The following TRIO variants were observed in gnomAD, a reference collection of about 807,000 sequenced individuals.
The protein encoded by TRIO is triple functional domain protein.
Under a neutral mutation model 351.9 loss-of-function variants are expected in TRIO, and 58 were observed. That is an observed-to-expected ratio of 0.16 (90% confidence interval 0.13 to 0.21). The LOEUF is 0.21. TRIO is among the 10% of genes least tolerant of loss of function. The probability of loss-of-function intolerance (pLI) is 1.00; values close to 1 mark genes in which losing one functional copy is unlikely to be tolerated. For missense variants in TRIO, 3,201 were observed against 4,027.8 expected, an observed-to-expected ratio of 0.79 and a Z score of 5.56; for synonymous variants, 1,758 against 1,595.7, an observed-to-expected ratio of 1.10 and a Z score of -2.42.
Position 14,498,617 on chromosome 5 carries a change from C to G in TRIO, c.8309C>G (p.Ser2770Trp). ...GTCAATGACATGGGTTCAGCCTCAT[C>G]GTCGGCCAGCCTGAGGGTCCTAGGT... ...IAVNDMGSAS[S>W]SASLRVLGPG... Residue 2770 changes from serine to tryptophan, a missense_variant, in exon 53 of 57, where the codon TCG becomes TGG. Around this residue, in one of 19 missense-constraint regions of TRIO, gnomAD observed 1,089 missense variants for 954.9 expected, o/e 1.14. Transcript: ENST00000344204. 1 of 1,613,998 alleles carries G rather than the reference C, an allele frequency of 6.2e-7. No individual in the cohort carries two copies. The highest frequency in any genetic ancestry group is 8.5e-7 in the Non-Finnish European group (1 of 1,179,836).
At chr5:14,375,209 G>A (rs573598559) in intron 19 of TRIO, among the ~76,000 whole-genome samples, 48 of 152,272 alleles carry the variant, frequency 3.2e-4, no homozygotes, top group African/African-American at 1.1e-3. Context: ...CTGGAAAAAT[G>A]TGCAACTCAC....
intron 19 of TRIO, 37 bp from the exon 20 acceptor site, chr5:14,377,975 C>A: frequency 6.6e-6 from 10 of 1,513,998 alleles, no homozygotes; most frequent in Non-Finnish European, 7.3e-6. Flanking sequence ...TAATTGATTG[C>A]AAGCACCAAC....
At chr5:14,369,144 A>G (rs1237036115) in intron 17 of TRIO, among the ~76,000 whole-genome samples, 2 of 152,220 alleles carry the variant, frequency 1.3e-5, no homozygotes, top group African/African-American at 2.4e-5. Flanking sequence ...CCTGAAGCAC[A>G]TTAGAGAGAG....
At chr5:14,260,151 C>A (rs1561262881) in intron 1 of TRIO, among the ~76,000 whole-genome samples, 1 of 152,152 alleles carries the variant, frequency 6.6e-6, no homozygotes, top group Admixed American at 6.5e-5. Context: ...CGTTTCCAAC[C>A]CTTTCAGAAT....
chr5:14,340,669 T>C (rs2152322692), intron 11 of TRIO, among the ~76,000 whole-genome samples: 1 of 152,334 alleles, frequency 6.6e-6, no homozygotes, highest in South Asian at 2.1e-4. Flanking sequence ...TGATGTTTAC[T>C]GAGCATTAGC....
chr5:14,307,978 G>T (rs569999745), intron 8 of TRIO, among the ~76,000 whole-genome samples: 16 of 152,220 alleles, frequency 1.1e-4, no homozygotes, highest in Admixed American at 1.0e-3. Context: ...TGGCCAGCAG[G>T]AGCTTTTTTC....
intron 1 of TRIO, among the ~76,000 whole-genome samples, chr5:14,205,001 C>T (rs1791368769): frequency 6.6e-6 from 1 of 152,174 alleles, no homozygotes; most frequent in Admixed American, 6.5e-5. Flanking sequence ...CTTCAGGGTT[C>T]CTCTTCCAAG....
chr5:14,351,931 G>T (rs558491399), intron 11 of TRIO, among the ~76,000 whole-genome samples: 2 of 152,338 alleles, frequency 1.3e-5, no homozygotes, highest in South Asian at 4.1e-4. Context: ...GGTCCTCTAG[G>T]CATCCTCTGT....
At chr5:14,367,246 C>T (rs1274123894) in intron 16 of TRIO, among the ~76,000 whole-genome samples, 1 of 152,188 alleles carries the variant, frequency 6.6e-6, no homozygotes, top group African/African-American at 2.4e-5. Flanking sequence ...CAGGGGGTTC[C>T]TGTTGTTCTC....
chr5:14,466,368 A>G (rs1311698140), intron 37 of TRIO: 1 of 148,112 alleles, frequency 6.8e-6, no homozygotes, highest in East Asian at 2.1e-4. Context: ...TGTGTGAGAG[A>G]GAAGGGTTTA....
chr5:14,280,064 G>GT (rs1488518793), intron 2 of TRIO, among the ~76,000 whole-genome samples: 10 of 152,230 alleles, frequency 6.6e-5, no homozygotes, highest in African/African-American at 2.4e-4. Flanking sequence ...GAAGAAAGGA[G>GT]TTTTTCCCAA....
rs1462653616 is a variant in TRIO, at chr5:14,396,416, A to T, written c.4312-627A>T. Reference sequence around the variant, plus strand: ...TGTAACCAGTAGCTGATGGTGTGTTACATAATAATTAAATATTTCTATTTA... The same window carrying T: ...TGTAACCAGTAGCTGATGGTGTGTTTCATAATAATTAAATATTTCTATTTA... On this transcript the variant is annotated intron_variant, in intron 28 of 56. Coordinates refer to ENST00000344204, the MANE Select transcript of TRIO (RefSeq NM_007118.4). Among the ~76,000 whole-genome samples, 5 of 134,824 alleles carry T rather than the reference A, an allele frequency of 3.7e-5. No individual in the cohort carries two copies. In the East Asian group the frequency reaches 1.3e-3, roughly 34 times the overall value. 88.4% of individuals were successfully genotyped at this position (134,824 alleles called of 152,430 possible).
intron 1 of TRIO, among the ~76,000 whole-genome samples, chr5:14,201,849 T>C (rs1035517343): frequency 1.3e-5 from 2 of 152,032 alleles, no homozygotes; most frequent in African/African-American, 4.8e-5. Context: ...TCATGTTTAC[T>C]TGGCTTTGAC....
intron 1 of TRIO, among the ~76,000 whole-genome samples, chr5:14,257,555 G>A (rs1795096364): frequency 6.6e-6 from 1 of 152,140 alleles, no homozygotes. Context: ...AGAGTGCTCA[G>A]GTGCTTGTGG....
At chr5:14,500,736 A>G (rs1303903514) in intron 53 of TRIO, among the ~76,000 whole-genome samples, 2 of 151,846 alleles carry the variant, frequency 1.3e-5, no homozygotes, top group Non-Finnish European at 2.9e-5. Context: ...AAAATACAAA[A>G]AATTAGCTGG....
At chr5:14,336,284 G>C (rs540928129) in intron 10 of TRIO, among the ~76,000 whole-genome samples, 2 of 152,306 alleles carry the variant, frequency 1.3e-5, no homozygotes, top group Admixed American at 1.3e-4. Context: ...ATTGCCTGCA[G>C]ATAGTCCATC....
At chr5:14,292,629 T>C (rs1156445971) in intron 5 of TRIO, among the ~76,000 whole-genome samples, 1 of 152,216 alleles carries the variant, frequency 6.6e-6, no homozygotes, top group African/African-American at 2.4e-5. Context: ...GACCCATAAG[T>C]TCCTAATTTC....
chr5:14,493,367 C>T (rs894805610), intron 49 of TRIO, among the ~76,000 whole-genome samples: 5 of 152,014 alleles, frequency 3.3e-5, no homozygotes, highest in African/African-American at 1.2e-4. Flanking sequence ...GCCATTTGTC[C>T]AACAACGTAT....
chr5:14,321,688 G>A (rs1322757822), intron 9 of TRIO, among the ~76,000 whole-genome samples: 1 of 152,182 alleles, frequency 6.6e-6, no homozygotes, highest in African/African-American at 2.4e-5. Context: ...GTGGACGCCT[G>A]ATATGGTTTG....
Sources: gnomAD v4.1 joint callset for allele counts (sites outside exome capture counted in the v4.1 genomes callset) on GRCh38, gnomAD v4.1.1 for gene constraint, gnomAD v4.1.1 regional missense constraint, MANE v1.5 for transcripts, NCBI Gene and HGNC (gene_info 2026-07-23, HGNC 2026-07-21) for gene names.